The following NBAS variants were observed in gnomAD, a reference collection of about 807,000 sequenced individuals.
NBAS encodes NAG/BC035112 fusion.
A neutral mutation model predicts 302.5 loss-of-function variants in NBAS; 219 were observed. That is an observed-to-expected ratio of 0.72 (90% CI 0.65 to 0.81). The LOEUF (loss-of-function observed/expected upper bound fraction) is 0.81. NBAS is among the 30% of genes least tolerant of loss of function. The pLI, the probability that NBAS is intolerant of heterozygous loss-of-function variation, is 0.00. For synonymous variants in NBAS, 1,118 were observed against 1,021.6 expected, an observed-to-expected ratio of 1.09 and a Z score of -1.80; for missense variants, 2,932 against 2,841.6, an observed-to-expected ratio of 1.03 and a Z score of -0.72.
intron 11 of NBAS, among the ~76,000 whole-genome samples, chr2:15,489,743 T>C (rs1680778478): frequency 1.3e-5 from 2 of 152,184 alleles, no homozygotes; most frequent in Admixed American, 1.3e-4. Flanking sequence ...CTCTCTGTCT[T>C]TTCCTTTCTC....
downstream of NBAS, among the ~76,000 whole-genome samples, chr2:15,166,501 T>C (rs1399685818): frequency 6.6e-6 from 1 of 152,206 alleles, no homozygotes; most frequent in Non-Finnish European, 1.5e-5. Context: ...GTGTATCTGA[T>C]AGAGCCTCAC....
chr2:15,321,715 T>C (rs1043855810), intron 38 of NBAS, among the ~76,000 whole-genome samples: 2 of 152,172 alleles, frequency 1.3e-5, no homozygotes, highest in South Asian at 2.1e-4. Context: ...CCAGTTAGAA[T>C]GGCGATCGTT....
At chr2:15,252,397 C>T (rs1247311864) in intron 44 of NBAS, among the ~76,000 whole-genome samples, 15 of 152,180 alleles carry the variant, frequency 9.9e-5, no homozygotes, top group African/African-American at 3.6e-4. Flanking sequence ...ACTCAGGAAG[C>T]TGAGGCAGGA....
the NBAS span, among the ~76,000 whole-genome samples, chr2:14,921,783 G>T: frequency 2.0e-5 from 3 of 152,092 alleles, no homozygotes. Flanking sequence ...ATCATAGTTG[G>T]CTGAAATCTA....
intron 28 of NBAS, among the ~76,000 whole-genome samples, chr2:15,386,711 C>G (rs1675315787): frequency 6.6e-6 from 1 of 152,210 alleles, no homozygotes; most frequent in African/African-American, 2.4e-5. Context: ...TATGCATAAA[C>G]TAAATGACTA....
intron 12 of NBAS, among the ~76,000 whole-genome samples, chr2:15,487,225 A>G (rs1342281964): frequency 3.3e-5 from 5 of 152,222 alleles, no homozygotes. Context: ...AAACAGCTGA[A>G]TACTTTATCA....
the NBAS span, among the ~76,000 whole-genome samples, chr2:14,927,237 T>C: frequency 6.6e-6 from 1 of 152,198 alleles, no homozygotes. Context: ...CGTGAGTCAG[T>C]TCCTTAAATT....
chr2:15,068,477 G>C, the NBAS span, among the ~76,000 whole-genome samples: 2 of 152,174 alleles, frequency 1.3e-5, no homozygotes, highest in Non-Finnish European at 2.9e-5. Context: ...CAGGATGAGA[G>C]GCAAAAGCAA....
the NBAS span, among the ~76,000 whole-genome samples, chr2:15,060,471 G>A: frequency 2.1e-4 from 32 of 152,160 alleles, no homozygotes; most frequent in African/African-American, 7.5e-4. Flanking sequence ...ACAAACACAG[G>A]GCATGCTGAG....
At chr2:14,785,614 G>T in the NBAS span, among the ~76,000 whole-genome samples, 1 of 152,090 alleles carries the variant, frequency 6.6e-6, no homozygotes, top group Admixed American at 6.6e-5. Flanking sequence ...TTATGTGCTG[G>T]ATTACATTTA....
chr2:15,164,764 T>C (rs752797927), downstream of NBAS, among the ~76,000 whole-genome samples: 7 of 152,332 alleles, frequency 4.6e-5, no homozygotes, highest in Admixed American at 2.0e-4. Context: ...AACGCAGCGT[T>C]CTAGAGAATT....
At chr2:15,470,756 T>C (rs1319341440) in intron 16 of NBAS, among the ~76,000 whole-genome samples, 1 of 152,158 alleles carries the variant, frequency 6.6e-6, no homozygotes, top group Non-Finnish European at 1.5e-5. Flanking sequence ...AATCTACTTA[T>C]ACGGCCAGTT....
At chr2:15,011,184 GT>G in the NBAS span, among the ~76,000 whole-genome samples, 1 of 152,018 alleles carries the variant, frequency 6.6e-6, no homozygotes, top group Non-Finnish European at 1.5e-5. Context: ...TCCTGACATG[GT>G]TTAGGGTAGA....
At chr2:14,995,177 A>G in the NBAS span, among the ~76,000 whole-genome samples, 2 of 152,134 alleles carry the variant, frequency 1.3e-5, no homozygotes, top group Admixed American at 1.3e-4. Context: ...GTCATTTAAC[A>G]TTAGGTATAT....
chr2:15,277,202 T>C, intron 42 of NBAS, 101 bp from the exon 43 acceptor site: 1 of 1,419,252 alleles, frequency 7.0e-7, no homozygotes, highest in African/African-American at 1.4e-5. Flanking sequence ...ATAGCTCCCT[T>C]CTTCCTGCCT....
chr2:15,242,342 G>A (rs1467402106), intron 44 of NBAS, among the ~76,000 whole-genome samples: 1 of 152,168 alleles, frequency 6.6e-6, no homozygotes, highest in African/African-American at 2.4e-5. Flanking sequence ...AAGGCAGAGT[G>A]TAAATAAATG....
chr2:15,134,089 C>G, the NBAS span, among the ~76,000 whole-genome samples: 2 of 85,650 alleles, frequency 2.3e-5, no homozygotes, highest in South Asian at 7.1e-4. Context: ...TCTCTCTCTG[C>G]AATGAAATGG....
At chr2:15,203,021 C>A (rs563375790) in intron 48 of NBAS, among the ~76,000 whole-genome samples, 2 of 152,204 alleles carry the variant, frequency 1.3e-5, no homozygotes, top group South Asian at 4.1e-4. Context: ...CATAAAAATA[C>A]CTCTCTTAGC....
At chr2:14,910,956 G>A in the NBAS span, among the ~76,000 whole-genome samples, 1 of 152,188 alleles carries the variant, frequency 6.6e-6, no homozygotes, top group South Asian at 2.1e-4. Flanking sequence ...AGGGTGAGAG[G>A]AGTCTCAAGT....
Sources: allele counts gnomAD v4.1 joint callset (sites outside exome capture counted in the v4.1 genomes callset), GRCh38; gene constraint gnomAD v4.1.1; transcripts MANE v1.5; gene names NCBI Gene and HGNC (gene_info 2026-07-23, HGNC 2026-07-21).